DNM2: variants seen among roughly 807,000 people sequenced by gnomAD.
The protein encoded by DNM2 is dynamin 2.
In DNM2, 15 loss-of-function variants were observed where a neutral mutation model predicts 99.0. That is an observed-to-expected ratio of 0.15 (90% CI 0.10 to 0.23). DNM2 has a LOEUF of 0.23. Ranked by LOEUF, DNM2 falls within the 10% of genes least tolerant of loss-of-function variation. The pLI, the probability that DNM2 is intolerant of heterozygous loss-of-function variation, is 1.00. For missense variants in DNM2, 742 were observed against 1,189.4 expected (o/e 0.62, Z 5.53); for synonymous variants, 525 against 481.2 (o/e 1.09, Z -1.19).
chr19:10,757,378 G>A (rs1390761103), intron 1 of DNM2, among the ~76,000 whole-genome samples: 14 of 152,102 alleles, frequency 9.2e-5, no homozygotes, highest in South Asian at 2.1e-4. Flanking sequence ...CCCCCCCGAC[G>A]CCAGCCACTG....
rs542089703 is a variant in DNM2 at position 10,796,064 on chromosome 19, C to T, written c.1196+625C>T. ...CCCCGGGTCTGGACGGTTTCAGGAC[C>T]GGGCTTTTCACCCCGGACTTGGCAT... On this transcript the variant is annotated intron_variant, in intron 9 of 20. Transcript: ENST00000389253. The surrounding 1 kb of genome is among the most constrained non-coding windows in gnomAD (Gnocchi z 5.6). The T allele has an allele frequency of 7.6e-5, 123 of 1,613,550 alleles. No individual in the cohort carries two copies. In the South Asian group the frequency reaches 1.1e-3, roughly 15 times the overall value.
intron 7 of DNM2, among the ~76,000 whole-genome samples, chr19:10,788,285 T>C (rs982476953): frequency 7.2e-6 from 1 of 138,984 alleles, no homozygotes; most frequent in Non-Finnish European, 1.5e-5. Context: ...CTGAAGCAGG[T>C]GAGGGCAGGG....
chr19:10,787,761 A>AAC (rs528542505), intron 7 of DNM2, among the ~76,000 whole-genome samples: 99 of 151,824 alleles, frequency 6.5e-4, no homozygotes, highest in Admixed American at 1.3e-3. Flanking sequence ...TCAAAAAAAA[A>AAC]AAAAAAAAAA....
chr19:10,784,799 T>G (rs960575430), intron 6 of DNM2, among the ~76,000 whole-genome samples: 2 of 150,038 alleles, frequency 1.3e-5, no homozygotes, highest in African/African-American at 4.9e-5. Context: ...ACTTTGTATT[T>G]ATTTTTTATT....
intron 7 of DNM2, among the ~76,000 whole-genome samples, chr19:10,789,793 C>T (rs2071688240): frequency 6.6e-6 from 1 of 152,108 alleles, no homozygotes; most frequent in Non-Finnish European, 1.5e-5. Context: ...AGGATCACAC[C>T]ACTGCACTCC....
intron 1 of DNM2, among the ~76,000 whole-genome samples, chr19:10,738,462 A>G (rs1172181376): frequency 6.6e-6 from 1 of 150,794 alleles, no homozygotes; most frequent in Non-Finnish European, 1.5e-5. Context: ...ACAAAAACAG[A>G]CAAAACAAAA....
intron 5 of DNM2, 95 bp from the exon 6 acceptor site, chr19:10,782,865 A>G: frequency 3.4e-6 from 5 of 1,477,778 alleles, no homozygotes; most frequent in Non-Finnish European, 4.7e-6. Flanking sequence ...CTCGTGGGAC[A>G]GGATCCATCT....
intron 16 of DNM2, among the ~76,000 whole-genome samples, chr19:10,821,796 G>A (rs77330532): frequency 6.6e-6 from 1 of 152,164 alleles, no homozygotes; most frequent in Non-Finnish European, 1.5e-5. Flanking sequence ...CTCCCAAAGT[G>A]CTGGGATTAC....
intron 9 of DNM2, among the ~76,000 whole-genome samples, chr19:10,797,038 A>T (rs1304975879): frequency 6.6e-6 from 1 of 152,020 alleles, no homozygotes; most frequent in Non-Finnish European, 1.5e-5. Flanking sequence ...TAGAAAAGGG[A>T]GGGGGAAAAC....
At chr19:10,756,055 G>T (rs1050808886) in intron 1 of DNM2, among the ~76,000 whole-genome samples, 2 of 152,262 alleles carry the variant, frequency 1.3e-5, no homozygotes, top group Admixed American at 6.5e-5. Context: ...CTCTGGTAGG[G>T]CCAGGGCCAA....
At position 10,767,436 on chromosome 19, in the gene DNM2, C is replaced by T. The variant is rs903605339; in HGVS notation, c.236-5043C>T. ...AAGCAGTCCTCCCACCTCAGCCACC[C>T]GTGTAGCTGGAACTACAGGCTTGCG... On this transcript the variant is annotated intron_variant, in intron 2 of 20. Transcript: ENST00000389253. 2.6e-5 allele frequency among the ~76,000 whole-genome samples: 4 copies of T among 152,320 alleles called. No individual in the cohort carries two copies. The South Asian group carries it at 8.3e-4, about 32-fold the overall frequency.
chr19:10,786,411 C>A, intron 6 of DNM2, 153 bp from the exon 7 acceptor site: 1 of 1,242,808 alleles, frequency 8.0e-7, no homozygotes, highest in Non-Finnish European at 1.2e-6. Context: ...GTGTCTGTGG[C>A]TTGATTTATC....
chr19:10,813,146 G>A (rs1464156747), intron 15 of DNM2, among the ~76,000 whole-genome samples: 8 of 152,180 alleles, frequency 5.3e-5, no homozygotes, highest in Admixed American at 6.5e-5. Flanking sequence ...CCCACTGTGC[G>A]GTGCTTGGCC....
chr19:10,741,613 G>T (rs557982385), intron 1 of DNM2, among the ~76,000 whole-genome samples: 59 of 150,566 alleles, frequency 3.9e-4, no homozygotes, highest in African/African-American at 1.4e-3. Flanking sequence ...GCAGTGGCGC[G>T]ATCTTGGCTC....
chr19:10,768,428 T>C (rs543214595), intron 2 of DNM2: 4 of 152,392 alleles, frequency 2.6e-5, no homozygotes, highest in African/African-American at 9.6e-5. Flanking sequence ...CACTCCAGCC[T>C]GGGTGACAGA....
Position 10,813,838 on chromosome 19 carries a change from A to AAAAG in DNM2, c.1671+1463_1671+1464insAGAA, listed in dbSNP as rs1555714066. On this transcript the variant is annotated intron_variant, in intron 15 of 20. Coordinates refer to ENST00000389253, the MANE Select transcript of DNM2 (RefSeq NM_001005361.3). ...AAGACACTGTCTCAAAAAAAAAAAA[A>AAAAG]AAGAAGAAGAAGAAGAAATAGACAA... Among the ~76,000 whole-genome samples the AAAAG allele has an allele frequency of 1.3e-4, 20 of 150,858 alleles. No individual in the cohort carries two copies. The South Asian group carries it at 3.8e-3, about 29-fold the overall frequency.
rs576135868 is a variant in DNM2, at chr19:10,764,278, A to G, written c.235+4467A>G. On this transcript the variant is annotated intron_variant, in intron 2 of 20. Coordinates refer to ENST00000389253, the MANE Select transcript of DNM2 (RefSeq NM_001005361.3). The surrounding 1 kb of genome is among the most constrained non-coding windows in gnomAD (Gnocchi z 4.1). ...TGATGGTGGCGCTGCCATCGTGGCC[A>G]TGGCACCCCATTGGCTGTGGTATGC... 3.3e-5 allele frequency among the ~76,000 whole-genome samples: 5 copies of G among 152,276 alleles called. No homozygotes were observed. The highest frequency in any genetic ancestry group is 1.2e-4 in the African/African-American group (5 of 41,554).
In DNM2 at chr19:10,764,072, C is replaced by G. The variant is rs2070719968; in HGVS notation, c.235+4261C>G. Among the ~76,000 whole-genome samples the G allele has an allele frequency of 6.6e-6, 1 of 152,180 alleles. No homozygotes were observed. The highest frequency in any genetic ancestry group is 1.5e-5 in the Non-Finnish European group (1 of 68,018). On this transcript the variant is annotated intron_variant, in intron 2 of 20. Coordinates refer to ENST00000389253, the MANE Select transcript of DNM2 (RefSeq NM_001005361.3). The surrounding 1 kb of genome is among the most constrained non-coding windows in gnomAD (Gnocchi z 4.1). ...AGGAAAATGAACACATTGCGGGCAT[C>G]AGTGATTGCTGGGGCCGGCGGGGCC...
intron 5 of DNM2, 33 bp downstream of exon 5, chr19:10,777,249 G>C: frequency 6.2e-7 from 1 of 1,603,152 alleles, no homozygotes; most frequent in Non-Finnish European, 8.5e-7. Flanking sequence ...GAAGCAGGAG[G>C]ATGGGTGGGG....
Sources: allele counts gnomAD v4.1 joint callset (sites outside exome capture counted in the v4.1 genomes callset), GRCh38; gene constraint gnomAD v4.1.1; non-coding constraint Gnocchi (gnomAD v3.1); transcripts MANE v1.5; gene names NCBI Gene and HGNC (gene_info 2026-07-23, HGNC 2026-07-21).